The following MYO18B variants were observed in gnomAD, a reference collection of about 807,000 sequenced individuals.
The protein encoded by MYO18B is unconventional myosin-XVIIIb.
Under a neutral mutation model 273.0 loss-of-function variants are expected in MYO18B, and 204 were observed. The observed-to-expected ratio is 0.75, with a 90% CI of 0.67 to 0.84. The LOEUF (loss-of-function observed/expected upper bound fraction) is 0.84. Ranked by LOEUF, MYO18B falls within the 40% of genes least tolerant of loss-of-function variation. The pLI, the probability that MYO18B is intolerant of heterozygous loss-of-function variation, is 0.00. For missense variants in MYO18B, 3,212 were observed against 3,287.6 expected (o/e 0.98, Z 0.56); for synonymous variants, 1,330 against 1,305.7 (o/e 1.02, Z -0.40).
At position 26,026,781 on chromosome 22, in the gene MYO18B, G is replaced by A. The variant is rs752396542; in HGVS notation, c.6807G>A (p.Thr2269=). ...GAGCCCAGAGAGGCCAGGGGTCCACGCTGGGCCTAGAGGACTGGCCCACTC... is the reference window on the plus strand; with the variant it reads ...GAGCCCAGAGAGGCCAGGGGTCCACACTGGGCCTAGAGGACTGGCCCACTC... ...RKRAQRGQGS[T]LGLEDWPTLP... Residue 2269 remains threonine, a synonymous_variant, in exon 43 of 44, where the codon ACG becomes ACA. Coordinates refer to ENST00000335473, the MANE Select transcript of MYO18B (RefSeq NM_032608.7). 1.9e-5 allele frequency: 30 copies of A among 1,606,402 alleles called. No homozygotes were observed. In the East Asian group the frequency reaches 2.2e-4, roughly 12 times the overall value.
chr22:25,787,227 A>G (rs2087431567), intron 11 of MYO18B, among the ~76,000 whole-genome samples: 1 of 151,460 alleles, frequency 6.6e-6, no homozygotes, highest in South Asian at 2.1e-4. Flanking sequence ...AAAAAAAAAG[A>G]AAAAAGAAAA....
At chr22:25,966,961 G>A (rs1388186875) in intron 39 of MYO18B, among the ~76,000 whole-genome samples, 1 of 152,184 alleles carries the variant, frequency 6.6e-6, no homozygotes. Context: ...ATTACCAAAA[G>A]CCTACCTAGG....
chr22:25,787,796 ACC>A (rs2087466392), intron 11 of MYO18B, among the ~76,000 whole-genome samples: 1 of 151,852 alleles, frequency 6.6e-6, no homozygotes, highest in Non-Finnish European at 1.5e-5. Flanking sequence ...CATACCCTTT[ACC>A]CCGTGATCTG....
chr22:26,049,947 C>T, the MYO18B span, among the ~76,000 whole-genome samples: 47 of 152,326 alleles, frequency 3.1e-4, no homozygotes, highest in African/African-American at 1.0e-3. Context: ...AATGTAGACT[C>T]AATACATTGG....
chr22:25,970,296 A>G (rs2093023645), intron 39 of MYO18B, among the ~76,000 whole-genome samples: 1 of 152,222 alleles, frequency 6.6e-6, no homozygotes, highest in African/African-American at 2.4e-5. Flanking sequence ...AGAGTAGGCA[A>G]GCCCTGTGAT....
intron 12 of MYO18B, among the ~76,000 whole-genome samples, chr22:25,820,892 CT>C (rs928244171): frequency 7.9e-5 from 12 of 151,228 alleles, no homozygotes; most frequent in East Asian, 1.9e-4. Flanking sequence ...TTTATGAAAT[CT>C]TTTTTTTTAG....
intron 12 of MYO18B, among the ~76,000 whole-genome samples, chr22:25,803,530 C>T (rs1240074593): frequency 6.6e-6 from 1 of 152,032 alleles, no homozygotes; most frequent in African/African-American, 2.4e-5. Context: ...AAAGGAGAGC[C>T]CAGAGGCAGA....
chr22:25,742,485 G>C (rs2085655970), intron 1 of MYO18B, among the ~76,000 whole-genome samples, 192 bp downstream of exon 1: 1 of 152,132 alleles, frequency 6.6e-6, no homozygotes. Flanking sequence ...TTGAAAACAA[G>C]AGTGTTTCGG....
chr22:25,787,713 T>C (rs893490282), intron 11 of MYO18B, among the ~76,000 whole-genome samples: 3 of 152,170 alleles, frequency 2.0e-5, no homozygotes, highest in African/African-American at 7.2e-5. Flanking sequence ...GCAACGAGGC[T>C]GGCATTCTTG....
rs563931182 is a variant in MYO18B at position 25,832,399 on chromosome 22, A to G, written c.2980-518A>G. ...GATGGACAAGCAAAATGAGATACGC[A>G]TATTACGAGATACGCACTTACTAGG... is the stretch of plus-strand genomic sequence containing the variant. On this transcript the variant is annotated intron_variant, in intron 15 of 43. Coordinates refer to ENST00000335473, the MANE Select transcript of MYO18B (RefSeq NM_032608.7). Among the ~76,000 whole-genome samples, 3 of 152,296 alleles carry G rather than the reference A, an allele frequency of 2.0e-5. No homozygotes were observed. In the East Asian group the frequency reaches 5.8e-4, roughly 29 times the overall value.
chr22:25,795,747 T>A (rs569818990), intron 11 of MYO18B, among the ~76,000 whole-genome samples: 2 of 152,196 alleles, frequency 1.3e-5, no homozygotes, highest in Non-Finnish European at 2.9e-5. Context: ...TGCTATTAAC[T>A]GAAATGTTTC....
chr22:25,921,136 C>A, intron 33 of MYO18B, 121 bp from the exon 34 acceptor site: 1 of 1,024,338 alleles, frequency 9.8e-7, no homozygotes, highest in Non-Finnish European at 1.4e-6. Flanking sequence ...ATGGTCTTGT[C>A]CAAGGTCACA....
At chr22:25,997,592 G>C (rs1204705019) in intron 40 of MYO18B, among the ~76,000 whole-genome samples, 1 of 152,078 alleles carries the variant, frequency 6.6e-6, no homozygotes, top group Admixed American at 6.6e-5. Flanking sequence ...TGGGGAAACT[G>C]GGGGAAAAAA....
chr22:25,854,374 A>T (rs2090508704), intron 21 of MYO18B, among the ~76,000 whole-genome samples: 1 of 151,982 alleles, frequency 6.6e-6, no homozygotes, highest in East Asian at 1.9e-4. Flanking sequence ...TATAATTCCC[A>T]CTCTGGGAAT....
At chr22:25,914,992 C>T (rs997775099) in intron 33 of MYO18B, among the ~76,000 whole-genome samples, 6 of 151,462 alleles carry the variant, frequency 4.0e-5, no homozygotes, top group South Asian at 2.1e-4. Context: ...ACACCGCGCC[C>T]GGCCAGTTTT....
intron 42 of MYO18B, among the ~76,000 whole-genome samples, chr22:26,020,289 CTA>C (rs1159557597): frequency 2.0e-5 from 3 of 152,016 alleles, no homozygotes. Context: ...GTGGCTGACA[CTA>C]GAGATAAAAT....
At chr22:25,987,736 A>G (rs1262034534) in intron 39 of MYO18B, among the ~76,000 whole-genome samples, 2 of 152,144 alleles carry the variant, frequency 1.3e-5, no homozygotes, top group African/African-American at 4.8e-5. Flanking sequence ...TAGGTGCTCA[A>G]CAAATGTTTA....
At chr22:25,861,936 C>T (rs531188083) in intron 21 of MYO18B, among the ~76,000 whole-genome samples, 2 of 152,154 alleles carry the variant, frequency 1.3e-5, no homozygotes, top group African/African-American at 4.8e-5. Context: ...AGTCCACCCT[C>T]CATATGTATC....
chr22:25,744,042 G>A (rs1273679005), intron 1 of MYO18B, among the ~76,000 whole-genome samples: 1 of 152,284 alleles, frequency 6.6e-6, no homozygotes, highest in African/African-American at 2.4e-5. Context: ...CACCCAAATT[G>A]GAGAAGAGCT....
Sources: allele counts gnomAD v4.1 joint callset (sites outside exome capture counted in the v4.1 genomes callset), GRCh38; gene constraint gnomAD v4.1.1; transcripts MANE v1.5; gene names NCBI Gene and HGNC (gene_info 2026-07-23, HGNC 2026-07-21).